Variants in ZW10 observed in about 807,000 individuals in gnomAD.
The protein encoded by ZW10 is centromere/kinetochore protein zw10 homolog.
ZW10 carries 53 observed loss-of-function variants against 87.8 expected under a neutral mutation model. That is an observed-to-expected ratio of 0.60 (90% CI 0.48 to 0.76). The LOEUF is 0.76. ZW10 is among the 30% of genes least tolerant of loss of function. ZW10 has a pLI of 0.00. For missense variants in ZW10, 837 were observed against 923.0 expected, an observed-to-expected ratio of 0.91 and a Z score of 1.21; for synonymous variants, 312 against 329.2, an observed-to-expected ratio of 0.95 and a Z score of 0.57.
chr11:113,733,738 G>A lies in ZW10; in HGVS notation c.2296C>T (p.Gln766Ter), dbSNP rs1427014029. 3.1e-6 allele frequency: 5 copies of A among 1,614,068 alleles called. No individual in the cohort carries two copies. Among genetic ancestry groups the A allele is most frequent in the South Asian group, 2.2e-5 (2 of 91,074 alleles). The change falls in exon 16 of 16, where the codon CAG becomes TAG. Residue 766 changes from glutamine (Q) to a stop codon, truncating the protein, a stop_gained. Transcript: ENST00000200135. LOFTEE classifies it high-confidence loss of function. ...GCAGCTGCTCTTCTTTCTGTGTTCT[G>A]AAACAAGGCACGAATTAAAGCTTTT... Reference protein sequence around the residue: ...EVKALIRALFQNTERRAAALA... With the variant: ...EVKALIRALF
chr11:113,769,620 C>T (rs146308491), intron 1 of ZW10: 271 of 251,356 alleles, frequency 1.1e-3, no homozygotes, highest in African/African-American at 6.0e-3. Flanking sequence ...CTGGGGTGGT[C>T]GTGCAGGCAG....
chr11:113,763,177 C>T (rs1360983258), intron 2 of ZW10, among the ~76,000 whole-genome samples: 3 of 152,316 alleles, frequency 2.0e-5, no homozygotes, highest in Admixed American at 6.5e-5. Context: ...TCATCCATAT[C>T]CCTACAAAGG....
intron 1 of ZW10, 71 bp downstream of exon 1, chr11:113,773,491 C>G: frequency 7.4e-7 from 1 of 1,354,788 alleles, no homozygotes; most frequent in Non-Finnish European, 1.0e-6. Flanking sequence ...GCCCCTGACT[C>G]CTCTCTCCAG....
In ZW10 at chr11:113,748,384, G is replaced by GT; in HGVS notation, c.961dup (p.Thr321AsnfsTer8). Reference sequence around the variant, plus strand: ...CATCTCAGCCAATGGGACAGTAGATGTTTTTTCATTTTCCAGGTCAGTGTC... The same window carrying GT: ...CATCTCAGCCAATGGGACAGTAGATGTTTTTTTCATTTTCCAGGTCAGTGTC... On this transcript the variant is annotated frameshift_variant, in exon 8 of 16. Coordinates refer to ENST00000200135, the MANE Select transcript of ZW10 (RefSeq NM_004724.4). LOFTEE classifies it high-confidence loss of function. 7 of 1,608,490 alleles carry GT rather than the reference G, an allele frequency of 4.4e-6. No individual in the cohort carries two copies. The Admixed American group carries it at 6.8e-5, about 16-fold the overall frequency.
chr11:113,748,300 T>G lies in ZW10; in HGVS notation c.1046A>C (p.Tyr349Ser). 1 of 1,613,492 alleles carries G rather than the reference T, an allele frequency of 6.2e-7. No individual in the cohort carries two copies. The highest frequency in any genetic ancestry group is 8.5e-7 in the Non-Finnish European group (1 of 1,179,794). Residue 349 changes from tyrosine (Y) to serine (S), a missense_variant, in exon 8 of 16, where the codon TAT becomes TCT. Coordinates refer to ENST00000200135, the MANE Select transcript of ZW10 (RefSeq NM_004724.4). ...SECLIKNCLV[Y>S]SIPTNSSKLQ... ...TTTGCTGCTATTTGTTGGAATCGAA[T>G]AAACCAAACAGTTTTTGATGAGGCA... is the stretch of plus-strand genomic sequence containing the variant.
chr11:113,749,627 A>G (rs1429919681), intron 7 of ZW10, among the ~76,000 whole-genome samples: 1 of 152,250 alleles, frequency 6.6e-6, no homozygotes, highest in Admixed American at 6.5e-5. Context: ...TGCACTATAT[A>G]TTACTATATA....
chr11:113,750,329 G>T (rs1953722078), intron 7 of ZW10, among the ~76,000 whole-genome samples: 2 of 150,400 alleles, frequency 1.3e-5, no homozygotes, highest in South Asian at 4.2e-4. Flanking sequence ...TTGAGATGAA[G>T]TTTTGCTCTT....
At chr11:113,738,985 G>A (rs757032483) in intron 12 of ZW10, among the ~76,000 whole-genome samples, 7 of 152,170 alleles carry the variant, frequency 4.6e-5, no homozygotes, top group Non-Finnish European at 7.4e-5. Context: ...GAACTCTAAC[G>A]TACCATGAAA....
At chr11:113,744,320 G>A (rs966080877) in intron 9 of ZW10, among the ~76,000 whole-genome samples, 2 of 152,044 alleles carry the variant, frequency 1.3e-5, no homozygotes, top group Non-Finnish European at 2.9e-5. Context: ...CCGGGAGGCG[G>A]AGCTTGCAGT....
chr11:113,751,243 C>A, intron 7 of ZW10: 1 of 297,648 alleles, frequency 3.4e-6, no homozygotes, highest in South Asian at 3.5e-5. Flanking sequence ...AGAATCCTGG[C>A]TGAATTTTCA....
At chr11:113,763,708 T>C (rs1040674667) in intron 2 of ZW10, among the ~76,000 whole-genome samples, 1 of 152,160 alleles carries the variant, frequency 6.6e-6, no homozygotes, top group Admixed American at 6.5e-5. Flanking sequence ...TTTGATGGGG[T>C]TGCTTTTTTC....
chr11:113,769,291 G>A lies in ZW10; in HGVS notation c.106-324C>T, dbSNP rs1247469245. 3.3e-5 allele frequency among the ~76,000 whole-genome samples: 5 copies of A among 150,178 alleles called. No homozygotes were observed. The South Asian group carries it at 8.5e-4, about 25-fold the overall frequency. On this transcript the variant is annotated intron_variant, in intron 1 of 15. Coordinates refer to ENST00000200135, the MANE Select transcript of ZW10 (RefSeq NM_004724.4). The stretch of plus-strand genomic sequence containing the variant: ...ACAATGATCACCAAACCCCAACGGC[G>A]CCCAAGACTTGTACAAATGCTGGAA...
At chr11:113,764,304 A>G (rs1953890942) in intron 2 of ZW10, among the ~76,000 whole-genome samples, 1 of 152,130 alleles carries the variant, frequency 6.6e-6, no homozygotes. Flanking sequence ...TGATGACCCC[A>G]GCTTTGTTCT....
Position 113,739,322 on chromosome 11 carries a change from A to T in ZW10, c.1644T>A (p.Ile548=), listed in dbSNP as rs368290966. 6 of 1,613,640 alleles carry T rather than the reference A, an allele frequency of 3.7e-6. No homozygotes were observed. The highest frequency in any genetic ancestry group is 2.7e-5 in the African/African-American group (2 of 75,004). ...GCCCGAGGGTCAGCAAGTGGTGAGC[A>T]ATGTACATACAGTTGTTGTGATGAA... ...AAIHHNNCMY[I]AHHLLTLGHQ... Residue 548 remains isoleucine, a synonymous_variant, in exon 12 of 16, where the codon ATT becomes ATA. Coordinates refer to ENST00000200135, the MANE Select transcript of ZW10 (RefSeq NM_004724.4).
intron 15 of ZW10, 46 bp from the exon 16 acceptor site, chr11:113,733,860 G>T: frequency 1.3e-6 from 2 of 1,532,352 alleles, no homozygotes; most frequent in Non-Finnish European, 8.8e-7. Context: ...GGTCTCTGAA[G>T]TATAAGCAAG....
intron 8 of ZW10, 22 bp from the exon 9 acceptor site, chr11:113,747,735 A>T: frequency 6.4e-7 from 1 of 1,559,822 alleles, no homozygotes; most frequent in Non-Finnish European, 8.7e-7. Flanking sequence ...AAGAAAAAAA[A>T]GAAAAGAATC....
Position 113,737,574 on chromosome 11 carries a change from C to T in ZW10, c.2014G>A (p.Glu672Lys). ...SEVIGKITAL[E>K]DISTEDGDRL... ...GTGTAGCATCTAATGGCCCTTACCT[C>T]TAGGGCAGTAATTTTGCCAATGACC... The change falls in exon 14 of 16, where the codon GAG (glutamate) becomes AAG (lysine). Residue 672 changes from glutamate (E) to lysine (K), a missense_variant and splice_region_variant. Transcript: ENST00000200135. The T allele has an allele frequency of 1.2e-6, 2 of 1,611,066 alleles. No homozygotes were observed. The highest frequency in any genetic ancestry group is 2.2e-5 in the East Asian group (1 of 44,854).
intron 1 of ZW10, chr11:113,771,306 G>A (rs1385641150): frequency 6.6e-6 from 1 of 152,346 alleles, no homozygotes; most frequent in African/African-American, 2.4e-5. Context: ...GGGTACAGAA[G>A]CCTTTCTGGA....
chr11:113,740,889 T>C (rs1014748706), intron 11 of ZW10, among the ~76,000 whole-genome samples: 3 of 152,234 alleles, frequency 2.0e-5, no homozygotes, highest in Non-Finnish European at 4.4e-5. Context: ...TCCACTCCTG[T>C]CTTTAAATCC....
Sources: gnomAD v4.1 joint callset for allele counts (sites outside exome capture counted in the v4.1 genomes callset) on GRCh38, gnomAD v4.1.1 for gene constraint, MANE v1.5 for transcripts, NCBI Gene and HGNC (gene_info 2026-07-23, HGNC 2026-07-21) for gene names.